The following GRIK3 variants were observed in gnomAD, a reference collection of about 807,000 sequenced individuals.
GRIK3 encodes glutamate receptor ionotropic, kainate 3.
Under a neutral mutation model 102.5 loss-of-function variants are expected in GRIK3, and 29 were observed. The ratio of observed to expected loss-of-function variants is 0.28; its 90% CI spans 0.21 to 0.39. The LOEUF is 0.39. Ranked by LOEUF, GRIK3 falls within the 10% of genes least tolerant of loss-of-function variation. The pLI, the probability that GRIK3 is intolerant of heterozygous loss-of-function variation, is 1.00. For missense variants in GRIK3, 908 were observed against 1,252.4 expected (o/e 0.73, Z 4.15); for synonymous variants, 511 against 504.9 (o/e 1.01, Z -0.16).
chr1:36,815,882 C>T (rs2124188055), intron 13 of GRIK3, among the ~76,000 whole-genome samples: 1 of 152,220 alleles, frequency 6.6e-6, no homozygotes, highest in South Asian at 2.1e-4. Context: ...GCCTCAGCCT[C>T]CCCAGTAGCT....
chr1:36,960,025 T>C, intron 1 of GRIK3, among the ~76,000 whole-genome samples: 1 of 106,988 alleles, frequency 9.3e-6, no homozygotes, highest in Non-Finnish European at 2.0e-5. Flanking sequence ...TAAGTCTGTG[T>C]GCCCCGCGAG....
At chr1:36,838,640 C>G (rs910733547) in intron 10 of GRIK3, among the ~76,000 whole-genome samples, 1 of 152,142 alleles carries the variant, frequency 6.6e-6, no homozygotes, top group African/African-American at 2.4e-5. Context: ...TTTTTAAGTC[C>G]TGTTGGTCAG....
intron 2 of GRIK3, among the ~76,000 whole-genome samples, chr1:36,884,987 T>C (rs1380110399): frequency 1.3e-5 from 2 of 152,220 alleles, no homozygotes; most frequent in African/African-American, 4.8e-5. Context: ...AAGAGTGTTC[T>C]TCAAAGAAGT....
intron 1 of GRIK3, among the ~76,000 whole-genome samples, chr1:36,920,562 T>C (rs1641456040): frequency 6.6e-6 from 1 of 152,180 alleles, no homozygotes; most frequent in African/African-American, 2.4e-5. Flanking sequence ...CTGCTTCCCA[T>C]GCCCCATATC....
chr1:36,999,837 C>A (rs1231078502), intron 1 of GRIK3, among the ~76,000 whole-genome samples: 1 of 152,098 alleles, frequency 6.6e-6, no homozygotes, highest in African/African-American at 2.4e-5. Context: ...TTAGAACTTA[C>A]CATTACTAAA....
intron 1 of GRIK3, among the ~76,000 whole-genome samples, chr1:36,955,165 C>T (rs1235365412): frequency 6.6e-6 from 1 of 152,224 alleles, no homozygotes; most frequent in Non-Finnish European, 1.5e-5. Context: ...AGATGAGCAG[C>T]CCGCCAGCCA....
intron 1 of GRIK3, among the ~76,000 whole-genome samples, chr1:36,921,396 C>T (rs1641469421): frequency 1.3e-5 from 2 of 152,208 alleles, no homozygotes; most frequent in Non-Finnish European, 2.9e-5. Flanking sequence ...CTTGTTAGCA[C>T]ATGATCATTC....
At chr1:36,957,327 G>A (rs471411) in intron 1 of GRIK3, among the ~76,000 whole-genome samples, 76,332 of 149,918 alleles carry the variant, frequency 0.51, 20,361 homozygotes, top group African/African-American at 0.67. Context: ...TTTGTGCCCC[G>A]TGAGCCTGTG....
In GRIK3 at chr1:36,850,229, G is replaced by A. The variant is rs984494589; in HGVS notation, c.1326+82C>T. On this transcript the variant is annotated intron_variant, in intron 9 of 15. Transcript: ENST00000373091. This position sits in a 1 kb window ranked among gnomAD's most constrained non-coding sequence, Gnocchi z 4.0. ...GCAGCCTCCATCTTCTGGGTGGGGG[G>A]GATAGAGGGGACTCTCCAGCCCGAA... 3.6e-6 allele frequency: 3 copies of A among 828,860 alleles called. No individual in the cohort carries two copies. The highest frequency in any genetic ancestry group is 4.2e-6 in the Non-Finnish European group (2 of 473,278). 51.3% of individuals were successfully genotyped at this position (828,860 alleles called of 1,614,324 possible). A position where few individuals can be genotyped will look rare whatever the true frequency, so the allele number is the denominator to read the frequency against.
At position 36,915,732 on chromosome 1, in the gene GRIK3, A is replaced by T. The variant is rs118030097; in HGVS notation, c.116-24636T>A. Among the ~76,000 whole-genome samples, 1,015 of 152,272 alleles carry T rather than the reference A, an allele frequency of 6.7e-3. 45 individuals are homozygous for T. In the East Asian group the frequency reaches 0.1, roughly 16 times the overall value. ...AAGCTCTCTTCTCTTGTTTGCCACC[A>T]TGTAAGACATGCCTTTCACCTTCCA... On this transcript the variant is annotated intron_variant, in intron 1 of 15. Coordinates refer to ENST00000373091, the MANE Select transcript of GRIK3 (RefSeq NM_000831.4).
At chr1:36,996,426 T>C (rs898809422) in intron 1 of GRIK3, among the ~76,000 whole-genome samples, 1 of 152,302 alleles carries the variant, frequency 6.6e-6, no homozygotes, top group Admixed American at 6.5e-5. Flanking sequence ...GTTGGCCCAC[T>C]CTGGTCAGGA....
intron 1 of GRIK3, among the ~76,000 whole-genome samples, chr1:37,004,067 C>A (rs1050444541): frequency 6.6e-6 from 1 of 152,136 alleles, no homozygotes; most frequent in African/African-American, 2.4e-5. Context: ...CTTAGACACA[C>A]GGACCCCAGA....
intron 1 of GRIK3, among the ~76,000 whole-genome samples, chr1:37,032,838 A>G (rs1405734651): frequency 6.6e-6 from 1 of 152,134 alleles, no homozygotes; most frequent in Non-Finnish European, 1.5e-5. Flanking sequence ...GCCTCCTAGG[A>G]AAATCTCAAG....
chr1:36,859,107 C>T lies in GRIK3; in HGVS notation c.1104+1G>A. On this transcript the variant is annotated splice_donor_variant, in intron 7 of 15. Transcript: ENST00000373091. LOFTEE classifies it high-confidence loss of function. ...ACTGGTGGGGGCTGTGGGGCACTCACCTCCTTGATGAAGTTCATGAAGCGG... is the reference window on the plus strand; with the variant it reads ...ACTGGTGGGGGCTGTGGGGCACTCATCTCCTTGATGAAGTTCATGAAGCGG... The T allele has an allele frequency of 1.9e-6, 3 of 1,604,232 alleles. No homozygotes were observed. Among genetic ancestry groups the T allele is most frequent in the Non-Finnish European group, 2.6e-6 (3 of 1,173,262 alleles).
chr1:36,971,437 C>G (rs901443996), intron 1 of GRIK3, among the ~76,000 whole-genome samples: 2 of 152,168 alleles, frequency 1.3e-5, no homozygotes, highest in East Asian at 3.9e-4. Context: ...ACATCTGAAC[C>G]AGTCTACCCC....
chr1:36,922,129 C>T (rs1641480061), intron 1 of GRIK3, among the ~76,000 whole-genome samples: 1 of 152,226 alleles, frequency 6.6e-6, no homozygotes, highest in Non-Finnish European at 1.5e-5. Context: ...AGAGGGTGCA[C>T]AGTGGCTTTG....
intron 1 of GRIK3, among the ~76,000 whole-genome samples, chr1:37,006,005 A>C (rs1318246031): frequency 6.6e-6 from 1 of 152,174 alleles, no homozygotes; most frequent in Non-Finnish European, 1.5e-5. Flanking sequence ...CAGAATCGCT[A>C]GCCTGAAAGG....
intron 5 of GRIK3, among the ~76,000 whole-genome samples, chr1:36,862,734 C>T (rs2124243201): frequency 6.6e-6 from 1 of 152,340 alleles, no homozygotes. Flanking sequence ...CTCTCCTCAT[C>T]TCAGTTGCCT....
At chr1:36,813,166 C>T (rs1011920752) in intron 13 of GRIK3, among the ~76,000 whole-genome samples, 1 of 152,210 alleles carries the variant, frequency 6.6e-6, no homozygotes, top group African/African-American at 2.4e-5. Flanking sequence ...CTCTGCATTT[C>T]ACTAGCTGTG....
Sources: gnomAD v4.1 joint callset for allele counts (sites outside exome capture counted in the v4.1 genomes callset) on GRCh38, gnomAD v4.1.1 for gene constraint, Gnocchi (gnomAD v3.1) non-coding constraint, MANE v1.5 for transcripts, NCBI Gene and HGNC (gene_info 2026-07-23, HGNC 2026-07-21) for gene names.